Variants in ZNF567 observed in about 807,000 individuals in gnomAD.
The protein encoded by ZNF567 is zinc finger protein 567.
ZNF567 carries 36 observed loss-of-function variants against 53.9 expected under a neutral mutation model. The observed-to-expected ratio is 0.67, with a 90% confidence interval of 0.51 to 0.88. The LOEUF (loss-of-function observed/expected upper bound fraction) is 0.88, where lower values mean the gene tolerates loss of function less well. Ranked by LOEUF, ZNF567 falls within the 40% of genes least tolerant of loss-of-function variation. The pLI is 0.00. For missense variants in ZNF567, 619 were observed against 764.7 expected (o/e 0.81, Z 2.25); for synonymous variants, 224 against 260.4 (o/e 0.86, Z 1.35).
intron 3 of ZNF567, among the ~76,000 whole-genome samples, chr19:36,695,731 A>G (rs11668432): frequency 0.13 from 19,432 of 151,952 alleles, 2,051 homozygotes; most frequent in East Asian, 0.56. Context: ...ATCATTCACC[A>G]TCTCCTCTCT....
At chr19:36,722,565 G>T (rs1280233640), downstream of ZNF567, among the ~76,000 whole-genome samples, 1 of 152,212 alleles carries the variant, frequency 6.6e-6, no homozygotes, top group Non-Finnish European at 1.5e-5. Flanking sequence ...CTCCCAAAGT[G>T]CTGGGATTAC....
chr19:36,667,243 A>T, the ZNF567 span, among the ~76,000 whole-genome samples: 1 of 152,102 alleles, frequency 6.6e-6, no homozygotes, highest in African/African-American at 2.4e-5. Context: ...AAACGATTTA[A>T]AAAAAAATTT....
intron 3 of ZNF567, among the ~76,000 whole-genome samples, chr19:36,706,754 C>T (rs2039516887): frequency 1.4e-5 from 2 of 144,584 alleles, no homozygotes; most frequent in Non-Finnish European, 3.0e-5. Context: ...CTCCCAGGAT[C>T]CAGCAATCCT....
chr19:36,696,123 T>C lies in ZNF567; in HGVS notation c.9+1247T>C, dbSNP rs1305395717. On this transcript the variant is annotated intron_variant, in intron 3 of 5. Coordinates refer to ENST00000682579, the MANE Select transcript of ZNF567 (RefSeq NM_001322917.1). ...ATTTCTATTTTCACATTTCTTCCAA[T>C]TTTATGTTTGCATGTAGAAGTAAAT... Among the ~76,000 whole-genome samples the C allele has an allele frequency of 2.6e-5, 4 of 152,234 alleles. No homozygotes were observed. In the South Asian group the frequency reaches 6.2e-4, roughly 24 times the overall value.
chr19:36,672,641 C>CCCCAATATGGCACCAACATTGGT, the ZNF567 span, among the ~76,000 whole-genome samples: 1 of 152,004 alleles, frequency 6.6e-6, no homozygotes, highest in African/African-American at 2.4e-5. Flanking sequence ...CCAACATTGG[C>CCCCAATATGGCACCAACATTGGT]TCCCCAATAT....
At chr19:36,718,363 G>A (rs770836850) in intron 5 of ZNF567, among the ~76,000 whole-genome samples, 11 of 152,272 alleles carry the variant, frequency 7.2e-5, no homozygotes, top group Non-Finnish European at 1.6e-4. Flanking sequence ...GCTAGGCGTG[G>A]TGGCACATGC....
At chr19:36,694,614 C>G (rs1386047405) in intron 2 of ZNF567, among the ~76,000 whole-genome samples, 188 bp from the exon 3 acceptor site, 3 of 152,144 alleles carry the variant, frequency 2.0e-5, no homozygotes, top group African/African-American at 7.2e-5. Flanking sequence ...CCCCAAAAGC[C>G]TGTATCTCTG....
chr19:36,707,325 TAG>T (rs2039548409), intron 3 of ZNF567, among the ~76,000 whole-genome samples: 1 of 152,216 alleles, frequency 6.6e-6, no homozygotes, highest in South Asian at 2.1e-4. Context: ...CCTGGTTTTG[TAG>T]AGTTTTATTG....
intron 2 of ZNF567, among the ~76,000 whole-genome samples, chr19:36,692,201 A>G (rs1014610342): frequency 1.3e-5 from 2 of 152,164 alleles, no homozygotes; most frequent in African/African-American, 4.8e-5. Context: ...CGTTTAAACA[A>G]TTACTTTAAA....
intron 3 of ZNF567, chr19:36,711,595 T>C (rs1406423944): frequency 6.6e-6 from 1 of 152,242 alleles, no homozygotes; most frequent in Non-Finnish European, 1.5e-5. Context: ...ACTGTTTTAC[T>C]CTGTTAATGC....
chr19:36,676,901 A>C, the ZNF567 span, among the ~76,000 whole-genome samples: 1 of 152,126 alleles, frequency 6.6e-6, no homozygotes, highest in African/African-American at 2.4e-5. Context: ...CATGCCTGTA[A>C]TCCCAGCACT....
the ZNF567 span, chr19:36,668,120 T>C: frequency 4.6e-5 from 7 of 152,150 alleles, no homozygotes; most frequent in African/African-American, 1.4e-4. Context: ...TATTTTTATT[T>C]TTTTGGTAAA....
chr19:36,715,506 A>ATT (rs1568711494), intron 5 of ZNF567, among the ~76,000 whole-genome samples: 937 of 25,818 alleles, frequency 0.036, 7 homozygotes, highest in East Asian at 0.087. Context: ...TAATAATAAT[A>ATT]ATAATTATTA....
chr19:36,718,089 G>T (rs1363771191), intron 5 of ZNF567, among the ~76,000 whole-genome samples: 1 of 152,174 alleles, frequency 6.6e-6, no homozygotes, highest in Non-Finnish European at 1.5e-5. Context: ...ATAGACTGTA[G>T]AAAATGAATT....
chr19:36,723,561 C>T (rs141492879), downstream of ZNF567, among the ~76,000 whole-genome samples: 30 of 152,234 alleles, frequency 2.0e-4, no homozygotes, highest in East Asian at 5.0e-3. Flanking sequence ...TGAGGCTGGG[C>T]GTGGTGTCTC....
chr19:36,721,753 T>TTTTTTTTTTTTTTTTTG, downstream of ZNF567, among the ~76,000 whole-genome samples: 1 of 142,344 alleles, frequency 7.0e-6, no homozygotes, highest in East Asian at 2.0e-4. Context: ...TCTTTTTTTT[T>TTTTTTTTTTTTTTTTTG]TTTTTTTTTG....
At chr19:36,727,258 A>G (rs2040339533), downstream of ZNF567, 1 of 150,356 alleles carries the variant, frequency 6.7e-6, no homozygotes, top group East Asian at 2.0e-4. Context: ...TTTAGTAGAG[A>G]AGGGGTTTCC....
chr19:36,694,783 C>T lies in ZNF567; in HGVS notation c.-66-19C>T. ...TGTGGTCTCATGTGGCTTTTTTTGT[C>T]TCGGCTTTGCCTCCTTAGGAACTGC... is the stretch of plus-strand genomic sequence containing the variant. On this transcript the variant is annotated intron_variant, in intron 2 of 5. Coordinates refer to ENST00000682579, the MANE Select transcript of ZNF567 (RefSeq NM_001322917.1). 7.2e-7 allele frequency: 1 copy of T among 1,390,704 alleles called. No individual in the cohort carries two copies. Among genetic ancestry groups the T allele is most frequent in the Non-Finnish European group, 9.6e-7 (1 of 1,044,620 alleles). The allele number at this position is 1,390,704 out of a possible 1,614,324, so 86.1% of individuals were successfully genotyped here. A position where few individuals can be genotyped will look rare whatever the true frequency, so the allele number is the denominator to read the frequency against.
At chr19:36,671,530 G>C in the ZNF567 span, among the ~76,000 whole-genome samples, 8 of 152,204 alleles carry the variant, frequency 5.3e-5, no homozygotes, top group African/African-American at 1.9e-4. Flanking sequence ...ACAGGACCAG[G>C]CTGCTGTGCA....
Sources: gnomAD v4.1 joint callset for allele counts (sites outside exome capture counted in the v4.1 genomes callset) on GRCh38, gnomAD v4.1.1 for gene constraint, MANE v1.5 for transcripts, NCBI Gene and HGNC (gene_info 2026-07-23, HGNC 2026-07-21) for gene names.